IZUMO2: variants seen among roughly 807,000 people sequenced by gnomAD.
The protein encoded by IZUMO2 is IZUMO family member 2.
IZUMO2 carries 24 observed loss-of-function variants against 31.2 expected under a neutral mutation model. The observed-to-expected ratio is 0.77, with a 90% CI of 0.56 to 1.08. IZUMO2 has a LOEUF of 1.08. Among genes scored for constraint, IZUMO2 ranks in the 50% least tolerant of loss-of-function variants. The pLI is 0.00. For missense variants in IZUMO2, 278 were observed against 274.0 expected (o/e 1.01, Z -0.10); for synonymous variants, 144 against 117.3 (o/e 1.23, Z -1.47).
chr19:50,160,895 G>C (rs955403792), intron 2 of IZUMO2: 1 of 152,106 alleles, frequency 6.6e-6, no homozygotes, highest in Non-Finnish European at 1.5e-5. Flanking sequence ...TACTAGCCCA[G>C]AGGGCTCACT....
intron 5 of IZUMO2, 36 bp from the exon 6 acceptor site, chr19:50,154,762 T>C (rs1568437087): frequency 1.2e-6 from 2 of 1,608,984 alleles, no homozygotes; most frequent in Non-Finnish European, 1.7e-6. Context: ...GACCTCCACG[T>C]CACCACCCCT....
intron 6 of IZUMO2, among the ~76,000 whole-genome samples, chr19:50,152,898 G>C (rs763987327): frequency 6.6e-6 from 1 of 152,082 alleles, no homozygotes; most frequent in Non-Finnish European, 1.5e-5. Flanking sequence ...AGTCCAAAAA[G>C]ACAAGAGGAG....
chr19:50,156,856 G>C (rs1369276878), intron 5 of IZUMO2, among the ~76,000 whole-genome samples: 1 of 152,190 alleles, frequency 6.6e-6, no homozygotes, highest in Non-Finnish European at 1.5e-5. Context: ...TCCTTTCATT[G>C]AACACTGGTT....
At position 50,152,642 on chromosome 19, in the gene IZUMO2, T is replaced by C. The variant is rs764743753; in HGVS notation, c.633A>G (p.Thr211=). Residue 211 remains threonine (T), a synonymous_variant, in exon 7 of 7, where the codon ACA becomes ACG. Transcript: ENST00000293405. ...GCAGGAGTTTTCGGTTTTGTCTGTA[T>C]GTACAAGCCCTGGTCAGAGAGAAAA... The part of the protein sequence containing the change: ...VFVVIVVSAC[T]YRQNRKLLLQ 8 of 1,613,330 alleles carry C rather than the reference T, an allele frequency of 5.0e-6. No individual in the cohort carries two copies. The African/African-American group carries it at 9.3e-5, about 19-fold the overall frequency.
intron 5 of IZUMO2, 110 bp downstream of exon 5, chr19:50,158,158 C>G: frequency 1.6e-6 from 1 of 609,536 alleles, no homozygotes; most frequent in Non-Finnish European, 2.9e-6. Context: ...ATGGTTAGGG[C>G]AGGATTCGAG....
Position 50,163,102 on chromosome 19 carries a change from G to A in IZUMO2, c.93C>T (p.Ala31=). 1 of 1,611,014 alleles carries A rather than the reference G, an allele frequency of 6.2e-7. No homozygotes were observed. Among genetic ancestry groups the A allele is most frequent in the Non-Finnish European group, 8.5e-7 (1 of 1,178,830 alleles). Residue 31 remains alanine (A), a synonymous_variant, in exon 1 of 7, where the codon GCC becomes GCT. Coordinates refer to ENST00000293405, the MANE Select transcript of IZUMO2 (RefSeq NM_152358.3). ...CLQCDPLVLE[A]LGHLRSALIP... Reference sequence around the variant, plus strand: ...TGAGGGCGGAGCGCAGGTGACCCAGGGCCTCCAGCACCAAGGGGTCGCACT... The same window carrying A: ...TGAGGGCGGAGCGCAGGTGACCCAGAGCCTCCAGCACCAAGGGGTCGCACT...
intron 1 of IZUMO2, 33 bp from the exon 2 acceptor site, chr19:50,162,846 G>A: frequency 1.2e-6 from 2 of 1,606,214 alleles, no homozygotes; most frequent in Middle Eastern, 3.7e-4. Flanking sequence ...ACTCCAGTGA[G>A]CCCCCCAGAG....
At chr19:50,154,568 G>A (rs761800283) in intron 6 of IZUMO2, 32 bp downstream of exon 6, 127 of 1,611,888 alleles carry the variant, frequency 7.9e-5, no homozygotes, top group Non-Finnish European at 9.9e-5. Flanking sequence ...TGGGTTCCAC[G>A]GGGGACTGAG....
chr19:50,154,768 C>A (rs777470859), intron 5 of IZUMO2, 42 bp from the exon 6 acceptor site: 3 of 1,606,484 alleles, frequency 1.9e-6, no homozygotes, highest in Admixed American at 3.3e-5. Flanking sequence ...CACGTCACCA[C>A]CCCTCCTTAG....
At chr19:50,152,679 T>C in intron 6 of IZUMO2, 28 bp from the exon 7 acceptor site, 3 of 1,590,394 alleles carry the variant, frequency 1.9e-6, no homozygotes, top group Non-Finnish European at 1.7e-6. Context: ...GCCTGTAGAT[T>C]AGAATGAGAA....
Position 50,157,843 on chromosome 19 carries a change from C to T in IZUMO2, c.496+425G>A, listed in dbSNP as rs1210346758. Reference sequence around the variant, plus strand: ...GCTGAGGCAGGAGAATCACTTGAACCTGGGAGGCAGAGGTTGCAGTGAGCC... The same window carrying T: ...GCTGAGGCAGGAGAATCACTTGAACTTGGGAGGCAGAGGTTGCAGTGAGCC... On this transcript the variant is annotated intron_variant, in intron 5 of 6. Transcript: ENST00000293405. 2.0e-5 allele frequency among the ~76,000 whole-genome samples: 3 copies of T among 150,254 alleles called. No homozygotes were observed. The South Asian group carries it at 6.3e-4, about 31-fold the overall frequency.
intron 5 of IZUMO2, among the ~76,000 whole-genome samples, chr19:50,156,759 A>C (rs553542651): frequency 1.3e-5 from 2 of 152,060 alleles, no homozygotes; most frequent in East Asian, 3.9e-4. Flanking sequence ...AATCAGTCTA[A>C]AAAAACAAAA....
intron 2 of IZUMO2, chr19:50,160,460 T>G (rs1009360368): frequency 2.0e-5 from 3 of 152,218 alleles, no homozygotes; most frequent in African/African-American, 7.2e-5. Context: ...TCTATTTACC[T>G]TTTTAAAAAT....
Position 50,163,201 on chromosome 19 carries a change from G to T in IZUMO2, c.-7C>A. 6.5e-7 allele frequency: 1 copy of T among 1,545,984 alleles called. No homozygotes were observed. Among genetic ancestry groups the T allele is most frequent in the Non-Finnish European group, 8.7e-7 (1 of 1,145,244 alleles). ...GGGTCAAAGCCAGAGGCATGGCGGG[G>T]CCTTTGTGACGTCACAGAGAGAACC... On this transcript the variant is annotated 5_prime_UTR_variant, in exon 1 of 7. Transcript: ENST00000293405.
At chr19:50,159,316 G>C in intron 3 of IZUMO2, 66 bp from the exon 4 acceptor site, 1 of 1,543,148 alleles carries the variant, frequency 6.5e-7, no homozygotes, top group Middle Eastern at 1.7e-4. Flanking sequence ...ATTGGAAAGG[G>C]ATCAGGAGAG....
At chr19:50,155,761 T>G (rs1424528596) in intron 5 of IZUMO2, among the ~76,000 whole-genome samples, 1 of 152,128 alleles carries the variant, frequency 6.6e-6, no homozygotes, top group African/African-American at 2.4e-5. Flanking sequence ...CTCCCTCTGC[T>G]CAGTGTCTTC....
chr19:50,159,784 A>G (rs1418584032), intron 2 of IZUMO2, among the ~76,000 whole-genome samples: 1 of 152,096 alleles, frequency 6.6e-6, no homozygotes, highest in Non-Finnish European at 1.5e-5. Flanking sequence ...GGCCTAGGCA[A>G]AGCCACCCTT....
At chr19:50,156,889 T>C (rs2030229502) in intron 5 of IZUMO2, among the ~76,000 whole-genome samples, 1 of 152,186 alleles carries the variant, frequency 6.6e-6, no homozygotes, top group Non-Finnish European at 1.5e-5. Flanking sequence ...CTGTGAAAAA[T>C]ATTCTGGGGA....
rs952139401 is a variant in IZUMO2, at chr19:50,154,639, A to C, written c.584T>G (p.Val195Gly). Residue 195 changes from valine to glycine, a missense_variant, in exon 6 of 7, where the codon GTG becomes GGG. Physicochemically the swap from Val to Gly is moderately radical, Grantham distance 109 (BLOSUM62 -3). Coordinates refer to ENST00000293405, the MANE Select transcript of IZUMO2 (RefSeq NM_152358.3). Reference sequence around the variant, plus strand: ...CACGAAGACAAAGACAGCCAGAGACACAGAAATGAGGATGCCCAACAGCGC... The same window carrying C: ...CACGAAGACAAAGACAGCCAGAGACCCAGAAATGAGGATGCCCAACAGCGC... ...NQALLGILIS[V>G]SLAVFVFVVI... is the part of the protein sequence containing the mutation. 3.1e-6 allele frequency: 5 copies of C among 1,614,038 alleles called. No homozygotes were observed. The East Asian group carries it at 1.1e-4, about 36-fold the overall frequency.
Sources: gnomAD v4.1 joint callset for allele counts (sites outside exome capture counted in the v4.1 genomes callset) on GRCh38, gnomAD v4.1.1 for gene constraint, MANE v1.5 for transcripts, NCBI Gene and HGNC (gene_info 2026-07-23, HGNC 2026-07-21) for gene names.